The following PPM1D variants were observed in gnomAD, a reference collection of about 807,000 sequenced individuals.
The protein encoded by PPM1D is protein phosphatase, Mg2+/Mn2+ dependent 1D, also known as protein phosphatase 1D.
In PPM1D, 52 loss-of-function variants were observed where a neutral mutation model predicts 58.3. That is an observed-to-expected ratio of 0.89 (90% CI 0.71 to 1.12). PPM1D has a LOEUF of 1.12. PPM1D is among the 50% of genes most tolerant of loss of function. The pLI is 0.00. For synonymous variants in PPM1D, 278 were observed against 285.1 expected, an observed-to-expected ratio of 0.98 and a Z score of 0.25; for missense variants, 564 against 777.2, an observed-to-expected ratio of 0.73 and a Z score of 3.26.
intron 4 of PPM1D, among the ~76,000 whole-genome samples, chr17:60,649,695 A>G (rs992413792): frequency 2.6e-5 from 4 of 151,938 alleles, no homozygotes; most frequent in African/African-American, 9.7e-5. Context: ...GTCTCAAAAA[A>G]AAAAATTGCC....
intron 1 of PPM1D, among the ~76,000 whole-genome samples, chr17:60,610,386 G>A (rs1248613783): frequency 6.6e-5 from 10 of 152,132 alleles, no homozygotes; most frequent in Admixed American, 5.2e-4. Flanking sequence ...GCTCTAGTTC[G>A]TTCATTTTCA....
At chr17:60,618,450 TC>T in intron 1 of PPM1D, among the ~76,000 whole-genome samples, 1 of 152,370 alleles carries the variant, frequency 6.6e-6, no homozygotes, top group African/African-American at 2.4e-5. Context: ...TGACCACAGT[TC>T]GGTTGCTATT....
chr17:60,620,216 A>T (rs1598402568), intron 1 of PPM1D, among the ~76,000 whole-genome samples: 1 of 151,852 alleles, frequency 6.6e-6, no homozygotes, highest in African/African-American at 2.4e-5. Context: ...CCAGGCTGGT[A>T]TTGAACTCCT....
chr17:60,658,851 A>C (rs1446220148), intron 5 of PPM1D, among the ~76,000 whole-genome samples: 1 of 151,868 alleles, frequency 6.6e-6, no homozygotes, highest in Non-Finnish European at 1.5e-5. Flanking sequence ...AATCCCAGCT[A>C]CTTGGGAGGC....
At chr17:60,622,740 A>G (rs1598403516) in intron 1 of PPM1D, among the ~76,000 whole-genome samples, 1 of 152,224 alleles carries the variant, frequency 6.6e-6, no homozygotes, top group African/African-American at 2.4e-5. Flanking sequence ...AGAACTTGGT[A>G]TACAGTGAAT....
intron 3 of PPM1D, among the ~76,000 whole-genome samples, chr17:60,636,999 G>T (rs1387945525): frequency 1.5e-5 from 2 of 134,066 alleles, no homozygotes; most frequent in African/African-American, 2.7e-5. Context: ...ACAGAATTTC[G>T]CTTTTATTGC....
intron 1 of PPM1D, among the ~76,000 whole-genome samples, chr17:60,618,725 C>G (rs1388292621): frequency 2.0e-5 from 3 of 151,988 alleles, no homozygotes; most frequent in African/African-American, 7.2e-5. Flanking sequence ...ATTCTGTTCT[C>G]TGTGTTGTTT....
chr17:60,635,499 G>A (rs1478504288), intron 3 of PPM1D, among the ~76,000 whole-genome samples: 1 of 152,198 alleles, frequency 6.6e-6, no homozygotes, highest in Admixed American at 6.5e-5. Flanking sequence ...ACAGGCGTGA[G>A]CCACTGTGCC....
rs71148308 is a variant in PPM1D at position 60,643,883 on chromosome 17, C to CTTTTT, written c.827-3992_827-3988dup. ...TTGTGCAATAGAACTCTTTTCTTTT[C>CTTTTT]TTTTTTTTTTTTTTTTTTTTTGAGA... On this transcript the variant is annotated intron_variant, in intron 3 of 5. Coordinates refer to ENST00000305921, the MANE Select transcript of PPM1D (RefSeq NM_003620.4). 2.4e-3 allele frequency among the ~76,000 whole-genome samples: 235 copies of CTTTTT among 97,732 alleles called. 2 individuals are homozygous for CTTTTT. The highest frequency in any genetic ancestry group is 5.9e-3 in the African/African-American group (148 of 24,918). The allele number at this position is 97,732 out of a possible 152,430, so 64.1% of individuals were successfully genotyped here.
At chr17:60,656,958 A>G (rs1294056742) in intron 5 of PPM1D, 117 bp downstream of exon 5, 10 of 1,588,052 alleles carry the variant, frequency 6.3e-6, no homozygotes, top group South Asian at 2.2e-5. Flanking sequence ...TCGATTCAAG[A>G]AAGTGATGTA....
At chr17:60,603,361 T>C (rs566399932) in intron 1 of PPM1D, among the ~76,000 whole-genome samples, 1 of 152,286 alleles carries the variant, frequency 6.6e-6, no homozygotes, top group South Asian at 2.1e-4. Context: ...CAAACTTATA[T>C]GTTTATATAT....
At position 60,648,080 on chromosome 17, in the gene PPM1D, A is replaced by G. The variant is rs2031280195; in HGVS notation, c.1015A>G (p.Met339Val). Residue 339 changes from methionine (M) to valine (V), a missense_variant and splice_region_variant, in exon 4 of 6, where the codon ATG (methionine) becomes GTG (valine). Transcript: ENST00000305921. Reference sequence around the variant, plus strand: ...GGACCAAGAGGAGAAAAAATACCTGATGGTGAGATGTGATTGAATAACTTG... The same window carrying G: ...GGACCAAGAGGAGAAAAAATACCTGGTGGTGAGATGTGATTGAATAACTTG... ...CQDQEEKKYL[M>V]GEHGQSCAKM... 1 of 1,602,184 alleles carries G rather than the reference A, an allele frequency of 6.2e-7. No individual in the cohort carries two copies. The highest frequency in any genetic ancestry group is 1.1e-5 in the South Asian group (1 of 89,052).
chr17:60,600,384 G>A lies in PPM1D; in HGVS notation c.-31G>A. The A allele has an allele frequency of 6.5e-7, 1 of 1,543,068 alleles. No individual in the cohort carries two copies. Among genetic ancestry groups the A allele is most frequent in the Non-Finnish European group, 8.7e-7 (1 of 1,144,620 alleles). ...CCCGCCGCCGGATTCGGCGGGCTGC[G>A]TGGGACCGGCGGGATCCCGGCCAGC... On this transcript the variant is annotated 5_prime_UTR_variant, in exon 1 of 6. The change creates a new upstream start codon in the 5' untranslated region. Transcript: ENST00000305921.
intron 1 of PPM1D, among the ~76,000 whole-genome samples, chr17:60,609,990 G>A (rs1170154700): frequency 6.6e-6 from 1 of 151,986 alleles, no homozygotes; most frequent in Non-Finnish European, 1.5e-5. Flanking sequence ...GACCATCCTG[G>A]CCAACATGGT....
intron 1 of PPM1D, among the ~76,000 whole-genome samples, chr17:60,620,779 A>T (rs2030684705): frequency 6.6e-6 from 1 of 152,104 alleles, no homozygotes; most frequent in Non-Finnish European, 1.5e-5. Flanking sequence ...AAGTGCTGGG[A>T]TTACAGGCAT....
intron 4 of PPM1D, 80 bp from the exon 5 acceptor site, chr17:60,656,519 A>G: frequency 2.0e-6 from 3 of 1,527,400 alleles, no homozygotes; most frequent in Non-Finnish European, 2.6e-6. Context: ...CGAACACCAA[A>G]TATTTAATTT....
Position 60,656,870 on chromosome 17 carries a change from G to A in PPM1D, c.1260+29G>A, listed in dbSNP as rs747686925. ...TATAGTTCCATAGTTTTTAAGTTAT[G>A]TTTTAATAGACACCAGTTCTTTGGT... On this transcript the variant is annotated intron_variant, in intron 5 of 5. Coordinates refer to ENST00000305921, the MANE Select transcript of PPM1D (RefSeq NM_003620.4). The A allele has an allele frequency of 3.1e-6, 5 of 1,612,924 alleles. No homozygotes were observed. The South Asian group carries it at 5.5e-5, about 18-fold the overall frequency.
At position 60,656,883 on chromosome 17, in the gene PPM1D, C is replaced by T. The variant is rs755434578; in HGVS notation, c.1260+42C>T. ...TTTTTAAGTTATGTTTTAATAGACA[C>T]CAGTTCTTTGGTTAGCGTCACCTGG... On this transcript the variant is annotated intron_variant, in intron 5 of 5. Transcript: ENST00000305921. 23 of 1,612,228 alleles carry T rather than the reference C, an allele frequency of 1.4e-5. No homozygotes were observed. The South Asian group carries it at 2.0e-4, about 14-fold the overall frequency.
chr17:60,638,766 T>A (rs1042832721), intron 3 of PPM1D, among the ~76,000 whole-genome samples: 2 of 152,184 alleles, frequency 1.3e-5, no homozygotes, highest in African/African-American at 2.4e-5. Flanking sequence ...AATTAAATGC[T>A]CATATTTAGC....
Sources: gnomAD v4.1 joint callset for allele counts (sites outside exome capture counted in the v4.1 genomes callset) on GRCh38, gnomAD v4.1.1 for gene constraint, MANE v1.5 for transcripts, NCBI Gene and HGNC (gene_info 2026-07-23, HGNC 2026-07-21) for gene names.